SLC35F4: variants seen among roughly 807,000 people sequenced by gnomAD.
SLC35F4 encodes the protein chromosome 14 open reading frame 36.
A neutral mutation model predicts 44.2 loss-of-function variants in SLC35F4; 24 were observed. The ratio of observed to expected loss-of-function variants is 0.54; its 90% confidence interval spans 0.39 to 0.76. The LOEUF (loss-of-function observed/expected upper bound fraction) is 0.76, where lower values mean the gene tolerates loss of function less well. SLC35F4 is among the 30% of genes least tolerant of loss of function. SLC35F4 has a pLI of 0.00. For missense variants in SLC35F4, 562 were observed against 586.1 expected (o/e 0.96, Z 0.42); for synonymous variants, 238 against 223.6 (o/e 1.06, Z -0.57).
chr14:57,863,935 C>T (rs1402699720), intron 1 of SLC35F4, among the ~76,000 whole-genome samples: 3 of 152,190 alleles, frequency 2.0e-5, no homozygotes, highest in African/African-American at 7.2e-5. Flanking sequence ...TTGGCCAGTG[C>T]TCTTCCCTTT....
At chr14:57,745,538 C>T (rs1292657367) in intron 1 of SLC35F4, among the ~76,000 whole-genome samples, 1 of 152,152 alleles carries the variant, frequency 6.6e-6, no homozygotes, top group Non-Finnish European at 1.5e-5. Context: ...AATGAGATTC[C>T]ATCTCACACC....
At chr14:57,892,138 A>C (rs1292699147) in intron 1 of SLC35F4, among the ~76,000 whole-genome samples, 1 of 152,238 alleles carries the variant, frequency 6.6e-6, no homozygotes, top group East Asian at 1.9e-4. Context: ...TGTTTCTCAC[A>C]TCTTTGACTA....
intron 1 of SLC35F4, among the ~76,000 whole-genome samples, chr14:57,901,143 C>T (rs1264981182): frequency 6.6e-6 from 1 of 152,140 alleles, no homozygotes; most frequent in African/African-American, 2.4e-5. Context: ...GCAGAAATAC[C>T]ATTTGTCCCA....
chr14:57,759,304 G>C (rs1213959960), intron 1 of SLC35F4, among the ~76,000 whole-genome samples: 2 of 152,122 alleles, frequency 1.3e-5, no homozygotes, highest in African/African-American at 4.8e-5. Context: ...GAGGGGCTGG[G>C]CATGGTGGCT....
At chr14:57,582,716 G>A (rs1331402380) in intron 3 of SLC35F4, among the ~76,000 whole-genome samples, 2 of 152,172 alleles carry the variant, frequency 1.3e-5, no homozygotes, top group Non-Finnish European at 2.9e-5. Context: ...AGTAGTATAT[G>A]TTTATAATGA....
intron 1 of SLC35F4, among the ~76,000 whole-genome samples, chr14:57,733,238 T>C (rs745714983): frequency 6.6e-6 from 1 of 152,004 alleles, no homozygotes; most frequent in Non-Finnish European, 1.5e-5. Context: ...AAAATGAAAG[T>C]TTCATATTCA....
intron 1 of SLC35F4, among the ~76,000 whole-genome samples, chr14:57,614,652 G>A (rs184359673): frequency 7.2e-5 from 11 of 152,320 alleles, no homozygotes; most frequent in African/African-American, 2.6e-4. Flanking sequence ...TTCTCCCTCA[G>A]GCAACTGTTT....
chr14:57,829,144 A>G (rs1216695145), intron 1 of SLC35F4, among the ~76,000 whole-genome samples: 2 of 152,220 alleles, frequency 1.3e-5, no homozygotes, highest in Non-Finnish European at 2.9e-5. Context: ...TGAGCTACAC[A>G]GACAAATGAT....
intron 4 of SLC35F4, among the ~76,000 whole-genome samples, chr14:57,579,732 T>C (rs1014808361): frequency 1.3e-5 from 2 of 152,196 alleles, no homozygotes; most frequent in Non-Finnish European, 2.9e-5. Flanking sequence ...TGCCCTGTAA[T>C]ATTCTAGACA....
intron 3 of SLC35F4, among the ~76,000 whole-genome samples, chr14:57,583,080 AAAGT>A (rs2069413256): frequency 6.6e-6 from 1 of 152,246 alleles, no homozygotes; most frequent in Admixed American, 6.5e-5. Context: ...TTGTAAAATG[AAAGT>A]AAGATTTCCC....
chr14:57,851,896 C>T lies in SLC35F4; in HGVS notation c.103+13827G>A, dbSNP rs72713100. 5.2e-3 allele frequency among the ~76,000 whole-genome samples: 798 copies of T among 152,266 alleles called. 7 individuals carry two copies. Among genetic ancestry groups the T allele is most frequent in the Non-Finnish European group, 9.2e-3 (626 of 68,030 alleles). On this transcript the variant is annotated intron_variant, in intron 1 of 7. Transcript: ENST00000556826. ...ACGGGAACTCTCTGTATTATCATTG[C>T]AACTTTTCTGAAAAATTTAAAAACA...
At chr14:57,791,644 G>A (rs2077922173) in intron 1 of SLC35F4, among the ~76,000 whole-genome samples, 1 of 151,834 alleles carries the variant, frequency 6.6e-6, no homozygotes, top group African/African-American at 2.4e-5. Context: ...ATACCCAAAG[G>A]ATTATAAAAC....
At chr14:57,667,671 T>G (rs540955063) in intron 1 of SLC35F4, among the ~76,000 whole-genome samples, 15 of 151,994 alleles carry the variant, frequency 9.9e-5, no homozygotes, top group African/African-American at 3.6e-4. Context: ...AACTCATCCT[T>G]GTTTATGGCT....
chr14:57,940,998 C>T (rs1198788764), intron 1 of SLC35F4, among the ~76,000 whole-genome samples: 4 of 152,132 alleles, frequency 2.6e-5, no homozygotes, highest in African/African-American at 7.2e-5. Context: ...CCACTCATAC[C>T]TATTAGGATG....
intron 1 of SLC35F4, among the ~76,000 whole-genome samples, chr14:57,937,570 A>AGG (rs1889822212): frequency 7.6e-6 from 1 of 131,690 alleles, no homozygotes; most frequent in Non-Finnish European, 1.7e-5. Context: ...AAAAGAAAAG[A>AGG]AAAGAGAAAA....
At chr14:57,588,245 ATTTCT>A (rs1052677880) in intron 3 of SLC35F4, among the ~76,000 whole-genome samples, 8 of 152,156 alleles carry the variant, frequency 5.3e-5, no homozygotes, top group African/African-American at 1.7e-4. Flanking sequence ...AGTTGTAATA[ATTTCT>A]TTTCATTTGG....
intron 1 of SLC35F4, among the ~76,000 whole-genome samples, chr14:57,863,442 A>G (rs1423832692): frequency 6.6e-6 from 1 of 152,252 alleles, no homozygotes; most frequent in Non-Finnish European, 1.5e-5. Context: ...AATGGCATAG[A>G]TATCTAGAGA....
At chr14:57,981,963 G>GCTGCATATCAAGTGTGCTT (rs1881395606) in exon 1 of SLC35F4, 1 of 152,002 alleles carries the variant, frequency 6.6e-6, no homozygotes, top group Non-Finnish European at 1.5e-5. Context: ...CTCACAGACT[G>GCTGCATATCAAGTGTGCTT]TCTTCTGCTG....
At position 57,566,528 on chromosome 14, in the gene SLC35F4, G is replaced by C; in HGVS notation, c.1163C>G (p.Thr388Arg). 1 of 1,602,622 alleles carries C rather than the reference G, an allele frequency of 6.2e-7. No homozygotes were observed. Among genetic ancestry groups the C allele is most frequent in the African/African-American group, 1.3e-5 (1 of 74,866 alleles). The stretch of plus-strand genomic sequence containing the variant: ...CCCAATGGAGATTAGGATTGGGTAT[G>C]TCAGCACCACCCCAACATTCACCAG... Reference protein sequence around the residue: ...NILVNVGVVLTYPILISIGTV... With the variant: ...NILVNVGVVLRYPILISIGTV... The change falls in exon 7 of 8, where the codon ACA (threonine) becomes AGA (arginine). Residue 388 changes from threonine (T) to arginine (R), a missense_variant. By Grantham distance (71) the Thr-to-Arg change is moderately conservative. Coordinates refer to ENST00000556826, the MANE Select transcript of SLC35F4 (RefSeq NM_001306087.2).
Sources: gnomAD v4.1 joint callset for allele counts (sites outside exome capture counted in the v4.1 genomes callset) on GRCh38, gnomAD v4.1.1 for gene constraint, MANE v1.5 for transcripts, NCBI Gene and HGNC (gene_info 2026-07-23, HGNC 2026-07-21) for gene names.